PTGDR: variants seen among roughly 807,000 people sequenced by gnomAD.
The protein encoded by PTGDR is prostaglandin D2 receptor, also known as PGD2 receptor.
PTGDR carries 19 observed loss-of-function variants against 17.4 expected under a neutral mutation model. That is an observed-to-expected ratio of 1.09 (90% CI 0.76 to 1.60). The LOEUF (loss-of-function observed/expected upper bound fraction) is 1.60. Ranked by LOEUF, PTGDR falls within the 40% of genes most tolerant of loss-of-function variation. The pLI is 0.00. For synonymous variants in PTGDR, 267 were observed against 224.2 expected (o/e 1.19, Z -1.71); for missense variants, 526 against 481.9 (o/e 1.09, Z -0.86).
In PTGDR at chr14:52,268,503, G is replaced by T. The variant is rs201265894; in HGVS notation, c.689G>T (p.Arg230Leu). 6.2e-7 allele frequency: 1 copy of T among 1,610,904 alleles called. No individual in the cohort carries two copies. The highest frequency in any genetic ancestry group is 8.5e-7 in the Non-Finnish European group (1 of 1,179,706). The stretch of plus-strand genomic sequence containing the variant: ...ATGCGCAACCTCTATGCGATGCACC[G>T]GCGGCTGCAGCGGCACCCGCGCTCC... ...GAMRNLYAMH[R>L]RLQRHPRSCT... Residue 230 changes from arginine (R) to leucine (L), a missense_variant, in exon 1 of 2, where the codon CGG becomes CTG. Transcript: ENST00000306051.
rs748906477 is a variant in PTGDR, at chr14:52,268,195, A to C, written c.381A>C (p.Ala127=). 1 of 1,613,964 alleles carries C rather than the reference A, an allele frequency of 6.2e-7. No individual in the cohort carries two copies. The highest frequency in any genetic ancestry group is 8.5e-7 in the Non-Finnish European group (1 of 1,180,026). ...LSSTLQLLAM[A]LECWLSLGHP... is the part of the protein sequence containing the mutation. ...CGACACTGCAACTCCTGGCCATGGC[A>C]CTGGAGTGCTGGCTCTCCCTAGGGC... is the stretch of plus-strand genomic sequence containing the variant. Residue 127 remains alanine (A), a synonymous_variant, in exon 1 of 2, where the codon GCA becomes GCC. Coordinates refer to ENST00000306051, the MANE Select transcript of PTGDR (RefSeq NM_000953.3).
Position 52,267,830 on chromosome 14 carries a change from T to C in PTGDR, c.16T>C (p.Tyr6His). MKSPF[Y>H]RCQNTTSVEK... ...CCCGCACGCCATGAAGTCGCCGTTC[T>C]ACCGCTGCCAGAACACCACCTCTGT... is the stretch of plus-strand genomic sequence containing the variant. The change falls in exon 1 of 2, where the codon TAC becomes CAC. Residue 6 changes from tyrosine to histidine, a missense_variant. By Grantham distance (83) the Tyr-to-His change is moderately conservative. Coordinates refer to ENST00000306051, the MANE Select transcript of PTGDR (RefSeq NM_000953.3). 2 of 1,566,992 alleles carry C rather than the reference T, an allele frequency of 1.3e-6. No individual in the cohort carries two copies. The highest frequency in any genetic ancestry group is 1.4e-5 in the African/African-American group (1 of 73,938).
chr14:52,269,700 A>G lies in PTGDR; in HGVS notation c.846+1040A>G, dbSNP rs41442145. On this transcript the variant is annotated intron_variant, in intron 1 of 1. Coordinates refer to ENST00000306051, the MANE Select transcript of PTGDR (RefSeq NM_000953.3). ...AATGGTGAATGAAAGGGAAATACAA[A>G]GCGATTTTCCTTTAAATGAAGGCCT... Among the ~76,000 whole-genome samples the G allele has an allele frequency of 4.7e-3, 715 of 152,336 alleles. 2 individuals are homozygous for G. Among genetic ancestry groups the G allele is most frequent in the African/African-American group, 0.016 (681 of 41,588 alleles).
At chr14:52,274,002 C>T (rs905449174) in intron 1 of PTGDR, among the ~76,000 whole-genome samples, 5 of 150,970 alleles carry the variant, frequency 3.3e-5, no homozygotes, top group African/African-American at 1.2e-4. Context: ...AAGATCAAGA[C>T]AAGAGGAGTT....
At chr14:52,270,310 G>A (rs1159746572) in intron 1 of PTGDR, among the ~76,000 whole-genome samples, 1 of 152,170 alleles carries the variant, frequency 6.6e-6, no homozygotes, top group East Asian at 1.9e-4. Context: ...CACTTTGGGA[G>A]GCCGAGGCGG....
At chr14:52,273,416 A>T (rs2033359450) in intron 1 of PTGDR, among the ~76,000 whole-genome samples, 1 of 152,240 alleles carries the variant, frequency 6.6e-6, no homozygotes, top group African/African-American at 2.4e-5. Context: ...TTGAAAATTC[A>T]ATCTAGTTAA....
At position 52,275,045 on chromosome 14, in the gene PTGDR, CT is replaced by C; in HGVS notation, c.*83del. 1 of 1,141,016 alleles carries C rather than the reference CT, an allele frequency of 8.8e-7. No homozygotes were observed. 70.7% of individuals were successfully genotyped at this position (1,141,016 alleles called of 1,614,324 possible). A position where few individuals can be genotyped will look rare whatever the true frequency, so the allele number is the denominator to read the frequency against. ...ACCATGATTAAAAAAAAAAAGACAACTTACAATTTAAATCCTTAAAAGTTAC... is the reference window on the plus strand; with the variant it reads ...ACCATGATTAAAAAAAAAAAGACAACTACAATTTAAATCCTTAAAAGTTAC... On this transcript the variant is annotated 3_prime_UTR_variant, in exon 2 of 2. Coordinates refer to ENST00000306051, the MANE Select transcript of PTGDR (RefSeq NM_000953.3).
chr14:52,278,668 G>A (rs1228372997), downstream of PTGDR, among the ~76,000 whole-genome samples: 1 of 151,912 alleles, frequency 6.6e-6, no homozygotes, highest in African/African-American at 2.4e-5. Context: ...TTCAATACTG[G>A]CAGCCATTAC....
rs2033414638 is a variant in PTGDR, at chr14:52,275,863, C to G, written c.*899C>G. ...CTGTAGAGCCATGTTTACTGTTTGA[C>G]TGTGTGGCACAGGGGGGCATTTGGC... On this transcript the variant is annotated 3_prime_UTR_variant, in exon 2 of 2. Coordinates refer to ENST00000306051, the MANE Select transcript of PTGDR (RefSeq NM_000953.3). 6.6e-6 allele frequency: 1 copy of G among 152,612 alleles called. No homozygotes were observed. The highest frequency in any genetic ancestry group is 1.5e-5 in the Non-Finnish European group (1 of 68,038). 9.5% of individuals were successfully genotyped at this position (152,612 alleles called of 1,614,324 possible).
chr14:52,268,064 C>A lies in PTGDR; in HGVS notation c.250C>A (p.Leu84Met), dbSNP rs2033240166. ...CAAGTGCCTCCTAAGCCCGGTGGTG[C>A]TGGCTGCCTACGCTCAGAACCGGAG... The part of the protein sequence containing the change: ...LGKCLLSPVV[L>M]AAYAQNRSLR... The change falls in exon 1 of 2, where the codon CTG (leucine) becomes ATG (methionine). Residue 84 changes from leucine (L) to methionine (M), a missense_variant. Coordinates refer to ENST00000306051, the MANE Select transcript of PTGDR (RefSeq NM_000953.3). 6.2e-7 allele frequency: 1 copy of A among 1,612,922 alleles called. No individual in the cohort carries two copies. Among genetic ancestry groups the A allele is most frequent in the Non-Finnish European group, 8.5e-7 (1 of 1,180,040 alleles).
At chr14:52,280,901 A>G (rs779619050), downstream of PTGDR, among the ~76,000 whole-genome samples, 9 of 152,212 alleles carry the variant, frequency 5.9e-5, no homozygotes, top group Non-Finnish European at 1.3e-4. Flanking sequence ...TGGCAAATAA[A>G]CCTCAAAAAA....
downstream of PTGDR, among the ~76,000 whole-genome samples, chr14:52,280,210 T>C (rs892146805): frequency 1.3e-5 from 2 of 152,112 alleles, no homozygotes; most frequent in African/African-American, 4.8e-5. Context: ...TTCTTATCAC[T>C]ACAAAATAGA....
At chr14:52,271,865 C>G (rs1566483056) in intron 1 of PTGDR, among the ~76,000 whole-genome samples, 1 of 152,222 alleles carries the variant, frequency 6.6e-6, no homozygotes, top group South Asian at 2.1e-4. Context: ...AGATTTTACA[C>G]TCTTCTAAGT....
chr14:52,270,287 C>T (rs925643435), intron 1 of PTGDR, among the ~76,000 whole-genome samples: 2 of 152,174 alleles, frequency 1.3e-5, no homozygotes, highest in Admixed American at 6.5e-5. Context: ...GTGACTCACG[C>T]CTGTAATCAC....
intron 1 of PTGDR, among the ~76,000 whole-genome samples, chr14:52,271,227 A>G (rs1730147279): frequency 6.6e-6 from 1 of 152,208 alleles, no homozygotes; most frequent in African/African-American, 2.4e-5. Flanking sequence ...ATATATTAGC[A>G]TCATTATTAT....
chr14:52,267,919 G>C lies in PTGDR; in HGVS notation c.105G>C (p.Leu35=), dbSNP rs779820524. 9.3e-6 allele frequency: 15 copies of C among 1,609,892 alleles called. No homozygotes were observed. The highest frequency in any genetic ancestry group is 1.1e-5 in the Non-Finnish European group (13 of 1,178,718). Reference sequence around the variant, plus strand: ...TCAGCACCGGCCTCCTGGGCAACCTGCTGGCCCTGGGGCTGCTGGCGCGCT... The same window carrying C: ...TCAGCACCGGCCTCCTGGGCAACCTCCTGGCCCTGGGGCTGCTGGCGCGCT... ...VLFSTGLLGN[L]LALGLLARSG... Residue 35 remains leucine (L), a synonymous_variant, in exon 1 of 2, where the codon CTG becomes CTC. Transcript: ENST00000306051.
chr14:52,276,662 A>G lies in PTGDR; in HGVS notation c.*1698A>G, dbSNP rs2033432576. The G allele has an allele frequency of 6.6e-6, 1 of 152,186 alleles. No homozygotes were observed. The highest frequency in any genetic ancestry group is 2.1e-4 in the South Asian group (1 of 4,826). The allele number at this position is 152,186 out of a possible 1,614,324, so 9.4% of individuals were successfully genotyped here. ...TATTCTTTTTTTGGAGAGGTGTGTTAGGATAATTGTCCAGTTAATTTGAAA... is the reference window on the plus strand; with the variant it reads ...TATTCTTTTTTTGGAGAGGTGTGTTGGGATAATTGTCCAGTTAATTTGAAA... On this transcript the variant is annotated 3_prime_UTR_variant, in exon 2 of 2. Transcript: ENST00000306051.
In PTGDR at chr14:52,268,225, T is replaced by TTC; in HGVS notation, c.412_413insCT (p.Phe138SerfsTer20). 6.2e-7 allele frequency: 1 copy of TTC among 1,614,108 alleles called. No individual in the cohort carries two copies. The highest frequency in any genetic ancestry group is 8.5e-7 in the Non-Finnish European group (1 of 1,180,036). On this transcript the variant is annotated frameshift_variant, in exon 1 of 2. Coordinates refer to ENST00000306051, the MANE Select transcript of PTGDR (RefSeq NM_000953.3). LOFTEE classifies it high-confidence loss of function. Reference sequence around the variant, plus strand: ...AGTGCTGGCTCTCCCTAGGGCACCCTTTCTTCTACCGACGGCACATCACCC... The same window carrying TTC: ...AGTGCTGGCTCTCCCTAGGGCACCCTTCTTCTTCTACCGACGGCACATCACCC...
Position 52,267,789 on chromosome 14 carries a change from A to G in PTGDR, c.-26A>G, listed in dbSNP as rs769846487. 1 of 1,513,546 alleles carries G rather than the reference A, an allele frequency of 6.6e-7. No individual in the cohort carries two copies. The highest frequency in any genetic ancestry group is 1.3e-5 in the South Asian group (1 of 74,756). 93.8% of individuals were successfully genotyped at this position (1,513,546 alleles called of 1,614,324 possible). A position where few individuals can be genotyped will look rare whatever the true frequency, so the allele number is the denominator to read the frequency against. On this transcript the variant is annotated 5_prime_UTR_variant, in exon 1 of 2. Transcript: ENST00000306051. The stretch of plus-strand genomic sequence containing the variant: ...GGGCCCTCGCCCTTCCGCAGCCTTC[A>G]CTCCAGCCCTCTGCTCCCGCACGCC...
Sources: gnomAD v4.1 joint callset for allele counts (sites outside exome capture counted in the v4.1 genomes callset) on GRCh38, gnomAD v4.1.1 for gene constraint, MANE v1.5 for transcripts, NCBI Gene and HGNC (gene_info 2026-07-23, HGNC 2026-07-21) for gene names.